VWA3B: variants seen among roughly 807,000 people sequenced by gnomAD.
VWA3B encodes the protein von Willebrand factor A domain containing 3B.
In VWA3B, 138 loss-of-function variants were observed where a neutral mutation model predicts 158.3. The ratio of observed to expected loss-of-function variants is 0.87; its 90% confidence interval spans 0.76 to 1.00. The LOEUF (loss-of-function observed/expected upper bound fraction) is 1.00. Among genes scored for constraint, VWA3B ranks in the 50% least tolerant of loss-of-function variants. The pLI is 0.00. For missense variants in VWA3B, 1,555 were observed against 1,565.1 expected, an observed-to-expected ratio of 0.99 and a Z score of 0.11; for synonymous variants, 596 against 587.3, an observed-to-expected ratio of 1.01 and a Z score of -0.21.
At position 98,229,296 on chromosome 2, in the gene VWA3B, T is replaced by C. The variant is rs186493427; in HGVS notation, c.2151-754T>C. On this transcript the variant is annotated intron_variant, in intron 15 of 27. Coordinates refer to ENST00000477737, the MANE Select transcript of VWA3B (RefSeq NM_144992.5). ...ATCGGGGTGCACAGATGAATGTCAGTCTGGTTCCTTCTGCTGTGGGGGGCA... is the reference window on the plus strand; with the variant it reads ...ATCGGGGTGCACAGATGAATGTCAGCCTGGTTCCTTCTGCTGTGGGGGGCA... Among the ~76,000 whole-genome samples the C allele has an allele frequency of 5.9e-3, 893 of 152,322 alleles. 41 individuals carry two copies. The highest frequency in any genetic ancestry group is 0.053 in the Admixed American group (817 of 15,304).
chr2:98,179,170 A>G (rs913330919), intron 8 of VWA3B: 1 of 469,780 alleles, frequency 2.1e-6, no homozygotes, highest in South Asian at 1.6e-5. Context: ...AGCTCCAGAC[A>G]CCAGTGCCTC....
intron 9 of VWA3B, 92 bp from the exon 10 acceptor site, chr2:98,187,883 C>A: frequency 7.5e-7 from 1 of 1,334,928 alleles, no homozygotes; most frequent in Non-Finnish European, 1.0e-6. Flanking sequence ...GTGCTAGGAG[C>A]CACTTGAATA....
chr2:98,096,556 A>G (rs1323367853), intron 2 of VWA3B, among the ~76,000 whole-genome samples: 3 of 152,208 alleles, frequency 2.0e-5, no homozygotes, highest in Admixed American at 2.0e-4. Flanking sequence ...GGTGTGAGCC[A>G]CCATGCCCAG....
chr2:98,181,275 C>A, intron 9 of VWA3B, 63 bp downstream of exon 9: 1 of 1,561,888 alleles, frequency 6.4e-7, no homozygotes, highest in Non-Finnish European at 8.7e-7. Flanking sequence ...TGGGTGAGGC[C>A]TCCATCGGGT....
intron 12 of VWA3B, chr2:98,207,518 G>C: frequency 1.9e-6 from 1 of 516,732 alleles, no homozygotes; most frequent in Non-Finnish European, 3.9e-6. Context: ...TCTTGAATGT[G>C]GATAATACAA....
rs117943810 is a variant in VWA3B at position 98,165,214 on chromosome 2, G to A, written c.1114+2238G>A. Reference sequence around the variant, plus strand: ...GCACTGTTTAAGGCTCCTTATGAGCGTTAGCTCATTTCATATTTGCTACAA... The same window carrying A: ...GCACTGTTTAAGGCTCCTTATGAGCATTAGCTCATTTCATATTTGCTACAA... On this transcript the variant is annotated intron_variant, in intron 8 of 27. Coordinates refer to ENST00000477737, the MANE Select transcript of VWA3B (RefSeq NM_144992.5). Among the ~76,000 whole-genome samples, 23 of 152,340 alleles carry A rather than the reference G, an allele frequency of 1.5e-4. No homozygotes were observed. The East Asian group carries it at 3.3e-3, about 22-fold the overall frequency.
chr2:98,229,040 C>T (rs992052240), intron 15 of VWA3B: 1 of 152,098 alleles, frequency 6.6e-6, no homozygotes, highest in Non-Finnish European at 1.5e-5. Context: ...GCACTGTCTT[C>T]CTGTTAGCAA....
intron 7 of VWA3B, among the ~76,000 whole-genome samples, chr2:98,140,430 C>T (rs1676684785): frequency 6.6e-6 from 1 of 152,200 alleles, no homozygotes. Context: ...TCTTCTAAGC[C>T]TCTCCTCCTC....
intron 23 of VWA3B, 155 bp downstream of exon 23, chr2:98,290,777 G>C: frequency 1.7e-6 from 1 of 585,398 alleles, no homozygotes; most frequent in Non-Finnish European, 3.0e-6. Flanking sequence ...AATATCTCTG[G>C]CCAGCTCATG....
At chr2:98,117,519 C>A (rs1460653853) in intron 3 of VWA3B, among the ~76,000 whole-genome samples, 1 of 152,068 alleles carries the variant, frequency 6.6e-6, no homozygotes, top group Non-Finnish European at 1.5e-5. Flanking sequence ...CAAAAGCCTT[C>A]CATTAGGGGC....
At chr2:98,262,577 G>A (rs1687554352) in intron 21 of VWA3B, among the ~76,000 whole-genome samples, 1 of 151,620 alleles carries the variant, frequency 6.6e-6, no homozygotes, top group African/African-American at 2.4e-5. Context: ...CACTTGACAA[G>A]ATCACATGAG....
intron 7 of VWA3B, among the ~76,000 whole-genome samples, chr2:98,146,540 A>G (rs1677188003): frequency 6.6e-6 from 1 of 152,110 alleles, no homozygotes; most frequent in Non-Finnish European, 1.5e-5. Context: ...AGCACTTGTC[A>G]TTGAGGTTCT....
intron 7 of VWA3B, among the ~76,000 whole-genome samples, chr2:98,156,514 G>C (rs1178590003): frequency 6.6e-6 from 1 of 152,166 alleles, no homozygotes; most frequent in Non-Finnish European, 1.5e-5. Context: ...AGTAACAATA[G>C]TCCTAGCCCT....
At chr2:98,311,798 C>T (rs1335548972) in intron 26 of VWA3B, 21 bp from the exon 27 acceptor site, 1 of 1,568,108 alleles carries the variant, frequency 6.4e-7, no homozygotes, top group Non-Finnish European at 8.6e-7. Context: ...CAGGGTAACC[C>T]TGATCTCTCT....
At chr2:98,244,155 A>G (rs924379478) in intron 19 of VWA3B, among the ~76,000 whole-genome samples, 1 of 152,180 alleles carries the variant, frequency 6.6e-6, no homozygotes, top group Admixed American at 6.5e-5. Flanking sequence ...AGCATATGTT[A>G]TGAACATTTT....
rs1329517501 is a variant in VWA3B, at chr2:98,093,147, G to A, written c.55G>A (p.Glu19Lys). The A allele has an allele frequency of 6.2e-7, 1 of 1,613,992 alleles. No homozygotes were observed. The highest frequency in any genetic ancestry group is 1.3e-5 in the African/African-American group (1 of 74,906). The change falls in exon 2 of 28, where the codon GAG (glutamate) becomes AAG (lysine). Residue 19 changes from glutamate (E) to lysine (K), a missense_variant. By Grantham distance (56) the Glu-to-Lys change is moderately conservative (BLOSUM62 1). Coordinates refer to ENST00000477737, the MANE Select transcript of VWA3B (RefSeq NM_144992.5). ...CTCTGAGCAGCAGCTGCAGAGGCAAGAGGGATGGATTAACACCAAAACAGA... is the reference window on the plus strand; with the variant it reads ...CTCTGAGCAGCAGCTGCAGAGGCAAAAGGGATGGATTAACACCAAAACAGA... ...TISEQQLQRQ[E>K]GWINTKTDLA...
intron 8 of VWA3B, among the ~76,000 whole-genome samples, chr2:98,176,351 T>C (rs372110447): frequency 1.5e-5 from 2 of 134,080 alleles, no homozygotes; most frequent in South Asian, 2.8e-4. Context: ...CCACTTAACA[T>C]GTGAATTTCA....
intron 7 of VWA3B, among the ~76,000 whole-genome samples, chr2:98,151,522 A>G (rs954301242): frequency 6.6e-6 from 1 of 152,100 alleles, no homozygotes; most frequent in African/African-American, 2.4e-5. Flanking sequence ...TCACATGTTC[A>G]TGTCCTACAG....
At chr2:98,294,552 C>T (rs754417055) in intron 23 of VWA3B, among the ~76,000 whole-genome samples, 2 of 152,206 alleles carry the variant, frequency 1.3e-5, no homozygotes, top group East Asian at 1.9e-4. Flanking sequence ...TTGTACAGAG[C>T]GATAGCCTGG....
Sources: allele counts gnomAD v4.1 joint callset (sites outside exome capture counted in the v4.1 genomes callset), GRCh38; gene constraint gnomAD v4.1.1; transcripts MANE v1.5; gene names NCBI Gene and HGNC (gene_info 2026-07-23, HGNC 2026-07-21).